The following ERCC8 variants were observed in gnomAD, a reference collection of about 807,000 sequenced individuals.
ERCC8 encodes ERCC excision repair 8, CSA ubiquitin ligase complex subunit, also known as DNA excision repair protein ERCC-8.
In ERCC8, 52 loss-of-function variants were observed where a neutral mutation model predicts 54.9. That is an observed-to-expected ratio of 0.95 (90% CI 0.76 to 1.19). ERCC8 has a LOEUF of 1.19. Ranked by LOEUF, ERCC8 falls within the 50% of genes most tolerant of loss-of-function variation. The pLI is 0.00. For synonymous variants in ERCC8, 146 were observed against 157.2 expected, an observed-to-expected ratio of 0.93 and a Z score of 0.53; for missense variants, 514 against 466.1, an observed-to-expected ratio of 1.10 and a Z score of -0.95.
intron 4 of ERCC8, among the ~76,000 whole-genome samples, chr5:60,914,415 C>CT (rs1554074289): frequency 9.3e-5 from 14 of 150,648 alleles, no homozygotes; most frequent in East Asian, 3.9e-4. Flanking sequence ...GCAACCCCTG[C>CT]TTTTTTTTTG....
At chr5:60,930,129 A>G (rs553330498) in intron 1 of ERCC8, among the ~76,000 whole-genome samples, 2 of 152,306 alleles carry the variant, frequency 1.3e-5, no homozygotes, top group Non-Finnish European at 2.9e-5. Context: ...CATTACATAT[A>G]GTACAACAAT....
chr5:60,892,603 A>G, intron 9 of ERCC8: 1 of 668,622 alleles, frequency 1.5e-6, no homozygotes, highest in Non-Finnish European at 2.8e-6. Context: ...GTAGTCTGGT[A>G]CCCAGAGAGA....
intron 3 of ERCC8, 106 bp downstream of exon 3, chr5:60,921,948 A>G (rs1262800553): frequency 5.7e-6 from 4 of 704,652 alleles, no homozygotes; most frequent in Non-Finnish European, 1.0e-5. Context: ...TATGTGAACC[A>G]TTCGCTTGAC....
intron 4 of ERCC8, among the ~76,000 whole-genome samples, chr5:60,912,558 C>G (rs1335634258): frequency 6.6e-6 from 1 of 152,122 alleles, no homozygotes; most frequent in African/African-American, 2.4e-5. Context: ...TTGACTTCCT[C>G]TTTTCCTAAT....
intron 1 of ERCC8, among the ~76,000 whole-genome samples, chr5:60,933,930 T>G (rs1749986552): frequency 6.7e-6 from 1 of 149,584 alleles, no homozygotes; most frequent in Non-Finnish European, 1.5e-5. Context: ...CTGAGTAGTA[T>G]TCCATGATAC....
chr5:60,919,009 C>T (rs1163029832), intron 3 of ERCC8, among the ~76,000 whole-genome samples: 7 of 152,000 alleles, frequency 4.6e-5, no homozygotes, highest in African/African-American at 1.7e-4. Context: ...AGTATATGCT[C>T]TGAACCAGTG....
chr5:60,924,021 T>A (rs1243924275), intron 2 of ERCC8, among the ~76,000 whole-genome samples: 2 of 152,182 alleles, frequency 1.3e-5, no homozygotes, highest in Non-Finnish European at 2.9e-5. Flanking sequence ...TAATGTCTTT[T>A]AACTTTAAGC....
At position 60,918,271 on chromosome 5, in the gene ERCC8, T is replaced by G. The variant is rs1034870223; in HGVS notation, c.393A>C (p.Thr131=). 6.3e-7 allele frequency: 1 copy of G among 1,595,840 alleles called. No homozygotes were observed. Among genetic ancestry groups the G allele is most frequent in the South Asian group, 1.1e-5 (1 of 90,714 alleles). The stretch of plus-strand genomic sequence containing the variant: ...AATGTTTTAATGTACTTACTTGTAA[T>G]GTATTTGTATCCCATACTTTCAGAG... ...DKTLKVWDTN[T]LQTADVFNFE... The change falls in exon 4 of 12, where the codon ACA becomes ACC. Residue 131 remains threonine, a synonymous_variant. Transcript: ENST00000676185.
chr5:60,878,096 G>C (rs1438605876), intron 11 of ERCC8, among the ~76,000 whole-genome samples: 2 of 152,134 alleles, frequency 1.3e-5, no homozygotes, highest in Admixed American at 1.3e-4. Context: ...GTTGAATTTT[G>C]TCAAACGCCT....
intron 9 of ERCC8, among the ~76,000 whole-genome samples, chr5:60,895,307 T>C (rs899865069): frequency 1.3e-5 from 2 of 152,066 alleles, no homozygotes; most frequent in African/African-American, 4.8e-5. Context: ...ATGGATACTA[T>C]ACTTGGCTTA....
At chr5:60,918,927 C>T (rs572414159) in intron 3 of ERCC8, among the ~76,000 whole-genome samples, 1 of 152,082 alleles carries the variant, frequency 6.6e-6, no homozygotes, top group Non-Finnish European at 1.5e-5. Flanking sequence ...AAAAACATAA[C>T]ATGTTGAAGA....
intron 1 of ERCC8, among the ~76,000 whole-genome samples, chr5:60,939,203 TA>T (rs904757279): frequency 1.3e-5 from 2 of 152,058 alleles, no homozygotes; most frequent in South Asian, 2.1e-4. Context: ...GAGAAGTGTC[TA>T]AAAAAAATTT....
chr5:60,877,515 T>C (rs1748051059), intron 11 of ERCC8, among the ~76,000 whole-genome samples: 1 of 152,236 alleles, frequency 6.6e-6, no homozygotes, highest in African/African-American at 2.4e-5. Context: ...GAGCATGGAA[T>C]GTTCTTCCAT....
intron 4 of ERCC8, among the ~76,000 whole-genome samples, chr5:60,916,915 G>T (rs1240360311): frequency 6.6e-6 from 1 of 151,964 alleles, no homozygotes; most frequent in Non-Finnish European, 1.5e-5. Flanking sequence ...CTTTGGGGAA[G>T]TAACAATCTA....
At position 60,887,458 on chromosome 5, in the gene ERCC8, T is replaced by C. The variant is rs1450552890; in HGVS notation, c.1104A>G (p.Pro368=). The change falls in exon 11 of 12, where the codon CCA becomes CCG. Residue 368 remains proline, a synonymous_variant. Coordinates refer to ENST00000676185, the MANE Select transcript of ERCC8 (RefSeq NM_000082.4). The part of the protein sequence containing the change: ...ILAWVPSLYE[P]VPDDDETTTK... ...TATTTACCTCATCATCATCAGGAACTGGTTCATATAAGGATGGAACCCAAG... is the reference window on the plus strand; with the variant it reads ...TATTTACCTCATCATCATCAGGAACCGGTTCATATAAGGATGGAACCCAAG... The C allele has an allele frequency of 1.2e-6, 2 of 1,612,938 alleles. No individual in the cohort carries two copies. Among genetic ancestry groups the C allele is most frequent in the Admixed American group, 1.7e-5 (1 of 60,022 alleles).
intron 6 of ERCC8, 65 bp from the exon 7 acceptor site, chr5:60,902,573 T>C: frequency 1.5e-6 from 2 of 1,373,684 alleles, no homozygotes; most frequent in South Asian, 2.3e-5. Context: ...AAAGTGCCAA[T>C]AATTTTGCCT....
intron 4 of ERCC8, among the ~76,000 whole-genome samples, chr5:60,913,462 G>C (rs1041011313): frequency 1.3e-5 from 2 of 151,750 alleles, no homozygotes; most frequent in Non-Finnish European, 2.9e-5. Context: ...TTTTTATTGC[G>C]TCTATTTGAT....
chr5:60,890,753 T>G, intron 10 of ERCC8, 136 bp downstream of exon 10: 1 of 693,942 alleles, frequency 1.4e-6, no homozygotes, highest in East Asian at 2.7e-5. Flanking sequence ...TGTGCTATTC[T>G]CTATTAAATA....
chr5:60,923,419 T>G (rs1342799802), intron 2 of ERCC8, among the ~76,000 whole-genome samples: 1 of 152,088 alleles, frequency 6.6e-6, no homozygotes, highest in Non-Finnish European at 1.5e-5. Flanking sequence ...TCTTATTAGT[T>G]TTTTTGGCAT....
Sources: gnomAD v4.1 joint callset for allele counts (sites outside exome capture counted in the v4.1 genomes callset) on GRCh38, gnomAD v4.1.1 for gene constraint, MANE v1.5 for transcripts, NCBI Gene and HGNC (gene_info 2026-07-23, HGNC 2026-07-21) for gene names.